Variants in MGA observed in about 807,000 individuals in gnomAD.
MGA encodes MAX gene-associated protein.
Under a neutral mutation model 261.1 loss-of-function variants are expected in MGA, and 40 were observed. The observed-to-expected ratio is 0.15, with a 90% confidence interval of 0.12 to 0.20. The LOEUF is 0.20. Among genes scored for constraint, MGA ranks in the 10% least tolerant of loss-of-function variants. The pLI, the probability that MGA is intolerant of heterozygous loss-of-function variation, is 1.00. For missense variants in MGA, 3,397 were observed against 3,630.5 expected, an observed-to-expected ratio of 0.94 and a Z score of 1.65; for synonymous variants, 1,302 against 1,290.6, an observed-to-expected ratio of 1.01 and a Z score of -0.19.
chr15:41,744,214 A>T (rs2695170), intron 15 of MGA, among the ~76,000 whole-genome samples: 116,545 of 151,612 alleles, frequency 0.77, 45,589 homozygotes, highest in East Asian at 0.88. Context: ...ATATATATAT[A>T]TTTTTTTGAG....
chr15:41,695,188 T>C, intron 2 of MGA, among the ~76,000 whole-genome samples: 1 of 132,974 alleles, frequency 7.5e-6, no homozygotes, highest in East Asian at 2.0e-4. Flanking sequence ...ATGTGGAATC[T>C]TTTTTTTTTT....
rs2151918076 is a variant in MGA at position 41,749,898 on chromosome 15, A to C, written c.6291A>C (p.Thr2097=). The change falls in exon 17 of 24, where the codon ACA becomes ACC. Residue 2097 remains threonine, a synonymous_variant. Transcript: ENST00000219905. ...TTTCTGAAAAAGCCAGTAATAAGAC[A>C]GTCCAAAATTTAAGTAAAGTACAGC... 1 of 1,613,972 alleles carries C rather than the reference A, an allele frequency of 6.2e-7. No homozygotes were observed. The highest frequency in any genetic ancestry group is 8.5e-7 in the Non-Finnish European group (1 of 1,179,884).
intron 1 of MGA, among the ~76,000 whole-genome samples, chr15:41,627,073 A>T (rs2140939982): frequency 6.6e-6 from 1 of 151,986 alleles, no homozygotes; most frequent in East Asian, 1.9e-4. Flanking sequence ...CATCCAGCTA[A>T]TTTTTTTGTA....
Position 41,769,059 on chromosome 15 carries a change from T to A in MGA, c.*1779T>A, listed in dbSNP as rs1207557585. On this transcript the variant is annotated 3_prime_UTR_variant, in exon 24 of 24. Transcript: ENST00000219905. ...TCCTTCCACTCTTTACCCAGCAGAT[T>A]TCATTCAATGCCTTAGCCAAGGAGT... is the stretch of plus-strand genomic sequence containing the variant. The A allele has an allele frequency of 6.6e-6, 1 of 152,650 alleles. No individual in the cohort carries two copies. Among genetic ancestry groups the A allele is most frequent in the East Asian group, 1.9e-4 (1 of 5,200 alleles). The allele number at this position is 152,650 out of a possible 1,614,324, so 9.5% of individuals were successfully genotyped here.
chr15:41,624,134 G>A (rs1259142954), intron 1 of MGA, among the ~76,000 whole-genome samples: 3 of 147,108 alleles, frequency 2.0e-5, no homozygotes, highest in South Asian at 2.2e-4. Context: ...GCATGATCTC[G>A]GCTTACTGCA....
intron 21 of MGA, 39 bp downstream of exon 21, chr15:41,761,889 A>G (rs1567105360): frequency 7.2e-7 from 1 of 1,393,060 alleles, no homozygotes; most frequent in African/African-American, 1.4e-5. Context: ...GAGCATAATT[A>G]TAGCTTTATC....
chr15:41,668,224 T>C (rs2057865796), intron 1 of MGA, among the ~76,000 whole-genome samples: 1 of 152,220 alleles, frequency 6.6e-6, no homozygotes, highest in South Asian at 2.1e-4. Flanking sequence ...TAGAGTCATC[T>C]GGAATTTATT....
At position 41,708,240 on chromosome 15, in the gene MGA, C is replaced by G. The variant is rs574099991; in HGVS notation, c.2425+32C>G. ...AGTTTTTTAAAATTTTTTAAATGTT[C>G]TGAAACATGTAGCCAGAAACCTTTT... On this transcript the variant is annotated intron_variant, in intron 7 of 23. Transcript: ENST00000219905. 46 of 1,403,448 alleles carry G rather than the reference C, an allele frequency of 3.3e-5. No individual in the cohort carries two copies. In the Admixed American group the frequency reaches 9.1e-4, roughly 28 times the overall value. 86.9% of individuals were successfully genotyped at this position (1,403,448 alleles called of 1,614,324 possible). A position where few individuals can be genotyped will look rare whatever the true frequency, so the allele number is the denominator to read the frequency against.
chr15:41,746,747 T>G (rs1480399510), intron 15 of MGA, among the ~76,000 whole-genome samples: 2 of 152,128 alleles, frequency 1.3e-5, no homozygotes, highest in African/African-American at 4.8e-5. Flanking sequence ...GAGTGCCTGT[T>G]TGATAGAGAA....
chr15:41,687,342 T>A (rs1020175694), intron 2 of MGA, among the ~76,000 whole-genome samples: 1 of 152,200 alleles, frequency 6.6e-6, no homozygotes, highest in African/African-American at 2.4e-5. Flanking sequence ...AAATTAAAGT[T>A]CAAATTTCAG....
chr15:41,630,510 T>C (rs771197980), intron 1 of MGA, among the ~76,000 whole-genome samples: 1 of 152,218 alleles, frequency 6.6e-6, no homozygotes, highest in Non-Finnish European at 1.5e-5. Context: ...CACGATCATA[T>C]GGATCATTAG....
rs140642216 is a variant in MGA at position 41,696,827 on chromosome 15, C to T, written c.1817C>T (p.Ala606Val). Residue 606 changes from alanine (A) to valine (V), a missense_variant, in exon 3 of 24, where the codon GCC (alanine) becomes GTC (valine). Ala to Val is a moderately conservative substitution (Grantham distance 64). This residue lies in a region of MGA where 563 missense variants were observed against 563.6 expected (regional missense o/e 1.00). Transcript: ENST00000219905. ...AAGGTAGTGAATGCTAATCAGAATGCCTCTCCAAATGTCCCTGGAAAAAGA... is the reference window on the plus strand; with the variant it reads ...AAGGTAGTGAATGCTAATCAGAATGTCTCTCCAAATGTCCCTGGAAAAAGA... 4,905 of 1,599,752 alleles carry T rather than the reference C, an allele frequency of 3.1e-3. 14 individuals are homozygous for T. Among genetic ancestry groups the T allele is most frequent in the Admixed American group, 3.7e-3 (210 of 57,212 alleles).
At chr15:41,762,667 C>T (rs978915616) in intron 22 of MGA, among the ~76,000 whole-genome samples, 44 of 151,896 alleles carry the variant, frequency 2.9e-4, no homozygotes, top group African/African-American at 1.0e-3. Context: ...TGGGATTTTG[C>T]CCTGTTGGCC....
At chr15:41,655,859 C>T (rs2057157072), upstream of MGA, among the ~76,000 whole-genome samples, 1 of 152,218 alleles carries the variant, frequency 6.6e-6, no homozygotes, top group African/African-American at 2.4e-5. Context: ...CGTAATATAA[C>T]TTCAGTATGT....
chr15:41,666,037 GC>G (rs1463830939), intron 1 of MGA, among the ~76,000 whole-genome samples: 1 of 150,460 alleles, frequency 6.6e-6, no homozygotes, highest in Non-Finnish European at 1.5e-5. Flanking sequence ...TCCTGCCTCA[GC>G]CTCCTGGCCA....
At chr15:41,624,676 G>A (rs2056402191) in intron 1 of MGA, among the ~76,000 whole-genome samples, 1 of 152,112 alleles carries the variant, frequency 6.6e-6, no homozygotes, top group Non-Finnish European at 1.5e-5. Context: ...CACCATGTTG[G>A]CCAGGCTGGT....
intron 1 of MGA, among the ~76,000 whole-genome samples, chr15:41,645,833 G>A (rs1418851242): frequency 1.3e-5 from 2 of 152,166 alleles, no homozygotes; most frequent in Admixed American, 6.5e-5. Flanking sequence ...CACAGGAAGT[G>A]TATGTACTTT....
chr15:41,700,041 GTTTT>G (rs763919635), intron 5 of MGA, among the ~76,000 whole-genome samples: 1 of 101,570 alleles, frequency 9.8e-6, no homozygotes, highest in Non-Finnish European at 1.9e-5. Context: ...TGTCATCGAG[GTTTT>G]TTTTTTTTTT....
At chr15:41,698,652 T>C (rs942988838) in intron 3 of MGA, among the ~76,000 whole-genome samples, 7 of 152,120 alleles carry the variant, frequency 4.6e-5, no homozygotes, top group African/African-American at 1.7e-4. Flanking sequence ...CTTCCCCCTT[T>C]TCCCCTTCTG....
Sources: allele counts gnomAD v4.1 joint callset (sites outside exome capture counted in the v4.1 genomes callset), GRCh38; gene constraint gnomAD v4.1.1; regional missense constraint gnomAD v4.1.1; transcripts MANE v1.5; gene names NCBI Gene and HGNC (gene_info 2026-07-23, HGNC 2026-07-21).